Variants in ZFHX3 observed in about 807,000 individuals in gnomAD.
The protein encoded by ZFHX3 is zinc finger homeobox protein 3.
Under a neutral mutation model 279.1 loss-of-function variants are expected in ZFHX3, and 42 were observed. That is an observed-to-expected ratio of 0.15 (90% CI 0.12 to 0.19). The LOEUF (loss-of-function observed/expected upper bound fraction) is 0.19, where lower values mean the gene tolerates loss of function less well. Ranked by LOEUF, ZFHX3 falls within the 10% of genes least tolerant of loss-of-function variation. The probability of loss-of-function intolerance (pLI) is 1.00; values close to 1 mark genes in which losing one functional copy is unlikely to be tolerated. For synonymous variants in ZFHX3, 2,293 were observed against 1,957.8 expected (o/e 1.17, Z -4.52); for missense variants, 4,981 against 4,754.0 (o/e 1.05, Z -1.40).
intron 3 of ZFHX3, among the ~76,000 whole-genome samples, chr16:73,383,453 G>C (rs1233568548): frequency 6.6e-6 from 1 of 152,182 alleles, no homozygotes; most frequent in Non-Finnish European, 1.5e-5. Context: ...AAAACATCCT[G>C]GACAGGAGGG....
At chr16:73,887,623 T>A (rs1040834838) in intron 1 of ZFHX3, among the ~76,000 whole-genome samples, 3 of 152,006 alleles carry the variant, frequency 2.0e-5, no homozygotes, top group Non-Finnish European at 2.9e-5. Flanking sequence ...AGTAGATGAA[T>A]TGGATTTGGG....
chr16:72,789,253 T>C (rs1015357954), intron 9 of ZFHX3: 1 of 165,222 alleles, frequency 6.1e-6, no homozygotes, highest in Non-Finnish European at 1.3e-5. Flanking sequence ...CAGTCCTGGC[T>C]AGCTCCCATA....
intron 2 of ZFHX3, among the ~76,000 whole-genome samples, chr16:73,549,721 T>C (rs2020175239): frequency 6.6e-6 from 1 of 152,238 alleles, no homozygotes; most frequent in African/African-American, 2.4e-5. Flanking sequence ...CCGGGTCTCC[T>C]TAACACCTCC....
intron 1 of ZFHX3, among the ~76,000 whole-genome samples, chr16:73,842,415 C>T (rs1174085129): frequency 1.3e-5 from 2 of 152,144 alleles, no homozygotes; most frequent in African/African-American, 4.8e-5. Context: ...GCTGCTGTTT[C>T]AATCTGCTGA....
At position 73,698,781 on chromosome 16, in the gene ZFHX3, C is replaced by T. The variant is rs184501988; in HGVS notation, c.-1607-18541G>A. Among the ~76,000 whole-genome samples, 57 of 152,238 alleles carry T rather than the reference C, an allele frequency of 3.7e-4. No homozygotes were observed. The East Asian group carries it at 9.3e-3, about 25-fold the overall frequency. On this transcript the variant is annotated intron_variant, in intron 1 of 17. Transcript: ENST00000641206. ...GGAGACTAAGGAGACTAAGGAGTCA[C>T]GACAACTTAATGCAACGTAGGGTCC...
At chr16:73,003,519 C>G (rs2010055) in intron 1 of ZFHX3, among the ~76,000 whole-genome samples, 31,649 of 144,318 alleles carry the variant, frequency 0.22, 4,489 homozygotes, top group East Asian at 0.69. Context: ...GAGACCCCCC[C>G]CTCCCCACCC....
intron 4 of ZFHX3, among the ~76,000 whole-genome samples, chr16:73,260,690 T>G (rs1280028077): frequency 3.4e-4 from 44 of 129,650 alleles, no homozygotes; most frequent in East Asian, 6.7e-4. Flanking sequence ...GTTTTTTTTT[T>G]TTTTTTTTTT....
chr16:73,574,721 G>C (rs9922625), intron 2 of ZFHX3, among the ~76,000 whole-genome samples: 1 of 152,146 alleles, frequency 6.6e-6, no homozygotes, highest in African/African-American at 2.4e-5. Context: ...TAGTCTGAGA[G>C]TCAAGGTCCT....
At chr16:72,858,542 A>C (rs771177343) in intron 4 of ZFHX3, among the ~76,000 whole-genome samples, 2 of 152,240 alleles carry the variant, frequency 1.3e-5, no homozygotes, top group Non-Finnish European at 2.9e-5. Context: ...TTAATCAATC[A>C]ATATCACTGG....
At chr16:72,914,822 C>G (rs1427202552) in intron 3 of ZFHX3, among the ~76,000 whole-genome samples, 2 of 152,116 alleles carry the variant, frequency 1.3e-5, no homozygotes, top group East Asian at 3.9e-4. Flanking sequence ...GAAACCCTGT[C>G]TCTACTAAAA....
chr16:73,362,218 G>A (rs1374606855), intron 3 of ZFHX3, among the ~76,000 whole-genome samples: 1 of 152,188 alleles, frequency 6.6e-6, no homozygotes, highest in Non-Finnish European at 1.5e-5. Flanking sequence ...GAGGAATTAG[G>A]AGAAACTCAG....
intron 3 of ZFHX3, among the ~76,000 whole-genome samples, chr16:72,921,263 G>A (rs969141286): frequency 1.3e-5 from 2 of 152,152 alleles, no homozygotes; most frequent in Admixed American, 6.5e-5. Flanking sequence ...TGTCATCAAC[G>A]AAGCTTCTAG....
At chr16:73,670,596 A>T (rs1283827157) in intron 2 of ZFHX3, among the ~76,000 whole-genome samples, 1 of 152,236 alleles carries the variant, frequency 6.6e-6, no homozygotes, top group Non-Finnish European at 1.5e-5. Flanking sequence ...TTGGTAGAGC[A>T]AAGACCATTA....
rs1968046017 is a variant in ZFHX3, at chr16:73,191,897, G to C, written c.-1103-48066C>G. On this transcript the variant is annotated intron_variant, in intron 5 of 17. Coordinates refer to the ZFHX3 transcript ENST00000641206. The stretch of plus-strand genomic sequence containing the variant: ...CATGCTGTGCAAACACGCTTTAGTG[G>C]ACATATGTTGGGAGCAGAGGGAAGG... 3.3e-5 allele frequency among the ~76,000 whole-genome samples: 5 copies of C among 152,154 alleles called. No individual in the cohort carries two copies. In the South Asian group the frequency reaches 1.0e-3, roughly 32 times the overall value.
intron 1 of ZFHX3, among the ~76,000 whole-genome samples, chr16:73,865,937 A>T (rs1962006246): frequency 6.6e-6 from 1 of 152,098 alleles, no homozygotes; most frequent in Admixed American, 6.5e-5. Context: ...GTGACCCAAG[A>T]TCGCACCACT....
chr16:73,661,685 G>T (rs2052786210), intron 2 of ZFHX3, among the ~76,000 whole-genome samples: 1 of 142,440 alleles, frequency 7.0e-6, no homozygotes, highest in Non-Finnish European at 1.5e-5. Context: ...TCCTGCCTCT[G>T]CACTCCAGCC....
At chr16:73,026,543 C>T (rs1403083600) in intron 1 of ZFHX3, among the ~76,000 whole-genome samples, 1 of 151,368 alleles carries the variant, frequency 6.6e-6, no homozygotes, top group East Asian at 2.0e-4. Context: ...TGGTGGCAGG[C>T]ACCTGTAATC....
intron 4 of ZFHX3, among the ~76,000 whole-genome samples, chr16:73,297,830 T>G (rs1298396585): frequency 6.6e-6 from 1 of 151,924 alleles, no homozygotes; most frequent in Non-Finnish European, 1.5e-5. Flanking sequence ...GTAGAGTTGT[T>G]CAGCTGAATA....
chr16:73,416,345 A>C (rs1352221057), intron 3 of ZFHX3, among the ~76,000 whole-genome samples: 1 of 152,138 alleles, frequency 6.6e-6, no homozygotes, highest in Non-Finnish European at 1.5e-5. Context: ...ATTAGGAGAA[A>C]TTCTACAAGG....
Sources: gnomAD v4.1 joint callset for allele counts (sites outside exome capture counted in the v4.1 genomes callset) on GRCh38, gnomAD v4.1.1 for gene constraint, MANE v1.5 for transcripts, NCBI Gene and HGNC (gene_info 2026-07-23, HGNC 2026-07-21) for gene names.